Variants in VAV2 observed in about 807,000 individuals in gnomAD.
The protein encoded by VAV2 is guanine nucleotide exchange factor VAV2.
VAV2 carries 67 observed loss-of-function variants against 132.5 expected under a neutral mutation model. The observed-to-expected ratio is 0.51, with a 90% CI of 0.42 to 0.62. VAV2 has a LOEUF of 0.62. Among genes scored for constraint, VAV2 ranks in the 20% least tolerant of loss-of-function variants. VAV2 has a pLI of 0.00. For synonymous variants in VAV2, 492 were observed against 443.5 expected (o/e 1.11, Z -1.37); for missense variants, 938 against 1,153.6 (o/e 0.81, Z 2.71).
intron 2 of VAV2, among the ~76,000 whole-genome samples, chr9:133,924,907 C>T (rs1385975541): frequency 6.6e-6 from 1 of 152,254 alleles, no homozygotes; most frequent in East Asian, 1.9e-4. Context: ...GACCCACTGG[C>T]GGCTTCCACA....
intron 2 of VAV2, among the ~76,000 whole-genome samples, chr9:133,914,677 A>C (rs1588361881): frequency 7.0e-5 from 1 of 14,262 alleles, no homozygotes; most frequent in Non-Finnish European, 1.3e-4. Flanking sequence ...GGAGGAAGCA[A>C]GGGATGGGGG....
intron 2 of VAV2, among the ~76,000 whole-genome samples, chr9:133,937,424 CTG>C (rs374257075): frequency 0.02 from 2,967 of 149,598 alleles, 113 homozygotes; most frequent in African/African-American, 0.07. Context: ...GACTGTATGT[CTG>C]TGTGTGTGTG....
intron 1 of VAV2, among the ~76,000 whole-genome samples, chr9:133,944,377 G>A (rs1449518679): frequency 2.0e-5 from 3 of 152,248 alleles, no homozygotes; most frequent in Non-Finnish European, 2.9e-5. Flanking sequence ...ACTAAGCCGG[G>A]GGAGGCAAAT....
intron 13 of VAV2, 45 bp downstream of exon 13, chr9:133,791,734 GGTAC>G (rs1441198193): frequency 1.3e-6 from 2 of 1,523,702 alleles, no homozygotes; most frequent in Non-Finnish European, 9.1e-7. Flanking sequence ...TGACTTTATA[GGTAC>G]GTCCTCATCG....
intron 2 of VAV2, among the ~76,000 whole-genome samples, chr9:133,927,180 CA>C (rs886910381): frequency 2.0e-5 from 3 of 152,170 alleles, no homozygotes; most frequent in African/African-American, 7.2e-5. Context: ...TTTCTGGGGA[CA>C]CGAAACCTGA....
intron 2 of VAV2, among the ~76,000 whole-genome samples, chr9:133,911,116 A>G (rs978107000): frequency 1.3e-5 from 2 of 152,202 alleles, no homozygotes; most frequent in Non-Finnish European, 1.5e-5. Flanking sequence ...TCTGATCTCT[A>G]CAGTTTCATA....
chr9:133,861,236 G>A lies in VAV2; in HGVS notation c.380+138C>T, dbSNP rs558672249. On this transcript the variant is annotated intron_variant, in intron 3 of 29. Transcript: ENST00000371850. ...CTTCCTGCAGCCGCCAACGGGTTAC[G>A]CGACAACACGCTGCAAATGCATGAT... 738 of 908,892 alleles carry A rather than the reference G, an allele frequency of 8.1e-4. 2 individuals carry two copies. The African/African-American group carries it at 0.011, about 14-fold the overall frequency. 56.3% of individuals were successfully genotyped at this position (908,892 alleles called of 1,614,324 possible).
At chr9:133,948,092 G>A (rs190674892) in intron 1 of VAV2, among the ~76,000 whole-genome samples, 66 of 152,222 alleles carry the variant, frequency 4.3e-4, no homozygotes, top group African/African-American at 1.2e-3. Flanking sequence ...TGCTCAGACC[G>A]CACTGAGCCC....
At chr9:133,862,408 GAGC>G (rs1837632950) in intron 2 of VAV2, among the ~76,000 whole-genome samples, 1 of 152,250 alleles carries the variant, frequency 6.6e-6, no homozygotes, top group African/African-American at 2.4e-5. Flanking sequence ...TGGAGCTCCT[GAGC>G]GACAGACTCA....
intron 1 of VAV2, among the ~76,000 whole-genome samples, chr9:133,981,774 AT>A (rs1034780722): frequency 2.6e-5 from 4 of 152,110 alleles, no homozygotes; most frequent in African/African-American, 9.7e-5. Flanking sequence ...GTTTCCAAGC[AT>A]TTCCAAGGAT....
rs1836678310 is a variant in VAV2 at position 133,840,521 on chromosome 9, T to C, written c.381-6181A>G. Among the ~76,000 whole-genome samples the C allele has an allele frequency of 6.6e-6, 1 of 152,064 alleles. No homozygotes were observed. The highest frequency in any genetic ancestry group is 1.5e-5 in the Non-Finnish European group (1 of 68,016). ...CTGGGCAGGACAATCACAGTCCCAG[T>C]GCTACAGCCAAATAAGTCACCAGCC... On this transcript the variant is annotated intron_variant, in intron 3 of 29. Transcript: ENST00000371850. This position sits in a 1 kb window ranked among gnomAD's most constrained non-coding sequence, Gnocchi z 4.5.
At chr9:133,907,904 T>TGG (rs1277495232) in intron 2 of VAV2, among the ~76,000 whole-genome samples, 1 of 88,348 alleles carries the variant, frequency 1.1e-5, no homozygotes, top group Admixed American at 1.5e-4. Context: ...AGGGAGGGCC[T>TGG]GGGGCACCCC....
Position 133,833,103 on chromosome 9 carries a change from C to G in VAV2, c.449+1169G>C, listed in dbSNP as rs1836325775. ...CAGCATCAAAGGGATGGGCTGGTGG[C>G]AGCTACTCCAGCTGGTGGGTGAGGA... On this transcript the variant is annotated intron_variant, in intron 4 of 29. Transcript: ENST00000371850. The surrounding 1 kb of genome is among the most constrained non-coding windows in gnomAD (Gnocchi z 5.6). Among the ~76,000 whole-genome samples the G allele has an allele frequency of 6.6e-6, 1 of 152,210 alleles. No homozygotes were observed. Among genetic ancestry groups the G allele is most frequent in the Non-Finnish European group, 1.5e-5 (1 of 68,038 alleles).
intron 15 of VAV2, among the ~76,000 whole-genome samples, chr9:133,787,527 G>C (rs1423714757): frequency 6.6e-6 from 1 of 152,196 alleles, no homozygotes; most frequent in Non-Finnish European, 1.5e-5. Flanking sequence ...CATCCAGTCT[G>C]CACTTGCTGG....
rs549230337 is a variant in VAV2, at chr9:133,987,142, G to T, written c.204+4933C>A. 3.4e-4 allele frequency among the ~76,000 whole-genome samples: 52 copies of T among 152,282 alleles called. 1 individual carries two copies. The East Asian group carries it at 4.0e-3, about 12-fold the overall frequency. On this transcript the variant is annotated intron_variant, in intron 1 of 29. Transcript: ENST00000371850. ...CCTTGGAGGGGCTCAGACCTGGAAG[G>T]GGGGCAGCCACACAAAGGTGCTCCA...
intron 3 of VAV2, among the ~76,000 whole-genome samples, chr9:133,859,641 AAAC>A (rs964204045): frequency 2.6e-5 from 4 of 152,082 alleles, no homozygotes; most frequent in African/African-American, 4.8e-5. Context: ...AAACAAAACA[AAAC>A]AAAAAAAAAA....
intron 23 of VAV2, 82 bp from the exon 24 acceptor site, chr9:133,776,162 T>G: frequency 6.4e-7 from 1 of 1,556,644 alleles, no homozygotes; most frequent in Non-Finnish European, 8.7e-7. Context: ...TGTCAGTGAC[T>G]GCCCTGTCCC....
intron 16 of VAV2, among the ~76,000 whole-genome samples, chr9:133,786,717 C>T (rs900675480): frequency 1.5e-4 from 23 of 152,380 alleles, no homozygotes; most frequent in South Asian, 8.3e-4. Context: ...GCCTCCCCTT[C>T]GGCCACCCCA....
At chr9:133,773,652 TTTGTTG>T (rs148817974) in intron 25 of VAV2, among the ~76,000 whole-genome samples, 1 of 151,370 alleles carries the variant, frequency 6.6e-6, no homozygotes, top group Non-Finnish European at 1.5e-5. Flanking sequence ...GTTTTTTTTC[TTTGTTG>T]TTGTTGTTTT....
Sources: allele counts gnomAD v4.1 joint callset (sites outside exome capture counted in the v4.1 genomes callset), GRCh38; gene constraint gnomAD v4.1.1; non-coding constraint Gnocchi (gnomAD v3.1); transcripts MANE v1.5; gene names NCBI Gene and HGNC (gene_info 2026-07-23, HGNC 2026-07-21).